The following PAK6 variants were observed in gnomAD, a reference collection of about 807,000 sequenced individuals.
PAK6 encodes the protein serine/threonine-protein kinase PAK 6.
A neutral mutation model predicts 60.8 loss-of-function variants in PAK6; 33 were observed. The ratio of observed to expected loss-of-function variants is 0.54; its 90% CI spans 0.41 to 0.73. The LOEUF is 0.73. Among genes scored for constraint, PAK6 ranks in the 30% least tolerant of loss-of-function variants. PAK6 has a pLI of 0.00. For missense variants in PAK6, 845 were observed against 904.1 expected, an observed-to-expected ratio of 0.93 and a Z score of 0.84; for synonymous variants, 404 against 378.5, an observed-to-expected ratio of 1.07 and a Z score of -0.78.
At chr15:40,270,303 C>T (rs1595599380) in intron 5 of PAK6, among the ~76,000 whole-genome samples, 1 of 152,180 alleles carries the variant, frequency 6.6e-6, no homozygotes. Context: ...TCCCTGAGGC[C>T]GTAAGATCAT....
intron 3 of PAK6, among the ~76,000 whole-genome samples, chr15:40,262,530 A>C (rs958439387): frequency 6.8e-6 from 1 of 147,690 alleles, no homozygotes; most frequent in African/African-American, 2.5e-5. Flanking sequence ...ACAACAACAA[A>C]CAACAACAAA....
intron 2 of PAK6, chr15:40,245,827 C>T (rs982887764): frequency 6.6e-6 from 1 of 152,406 alleles, no homozygotes; most frequent in Admixed American, 6.5e-5. Context: ...GCTGAACCCC[C>T]ACCCCCGTGC....
chr15:40,253,748 C>T (rs1033855597), intron 3 of PAK6, among the ~76,000 whole-genome samples: 11 of 152,206 alleles, frequency 7.2e-5, no homozygotes, highest in African/African-American at 2.7e-4. Flanking sequence ...CCCAGCCCAC[C>T]GCTCATTCCC....
intron 3 of PAK6, among the ~76,000 whole-genome samples, chr15:40,253,898 GC>G (rs2038762727): frequency 1.3e-5 from 2 of 152,102 alleles, no homozygotes; most frequent in African/African-American, 2.4e-5. Context: ...TTTTTTGGGG[GC>G]TTTTCTGACT....
At chr15:40,250,079 T>C (rs1359269141) in intron 2 of PAK6, among the ~76,000 whole-genome samples, 2 of 152,214 alleles carry the variant, frequency 1.3e-5, no homozygotes, top group Non-Finnish European at 2.9e-5. Flanking sequence ...GGCCAGAGGG[T>C]GGCACATGGA....
chr15:40,266,214 C>G (rs1364068491), exon 5 of PAK6: 1 of 1,609,920 alleles, frequency 6.2e-7, no homozygotes, highest in Non-Finnish European at 8.5e-7. Flanking sequence ...GCAGCGCTGT[C>G]TGCAGCTGGG....
chr15:40,245,332 CT>C (rs2038468725), intron 2 of PAK6: 1 of 152,274 alleles, frequency 6.6e-6, no homozygotes, highest in South Asian at 2.1e-4. Flanking sequence ...AGACCTCCTG[CT>C]GCCTGCCTGC....
At position 40,239,810 on chromosome 15, in the gene PAK6, G is replaced by A; in HGVS notation, c.-201+8G>A. 6.5e-6 allele frequency: 1 copy of A among 152,980 alleles called. No homozygotes were observed. Among genetic ancestry groups the A allele is most frequent in the Non-Finnish European group, 1.5e-5 (1 of 68,624 alleles). The allele number at this position is 152,980 out of a possible 1,614,324, so 9.5% of individuals were successfully genotyped here. A position where few individuals can be genotyped will look rare whatever the true frequency, so the allele number is the denominator to read the frequency against. ...TTAGGCTGGCCTGGGCAGGTAGGTG[G>A]CTCTGTGTTGGGTGTGGACCCACGT... is the stretch of plus-strand genomic sequence containing the variant. On this transcript the variant is annotated splice_region_variant and intron_variant, in intron 1 of 10. Transcript: ENST00000560346.
chr15:40,265,377 C>A (rs2039094137), intron 4 of PAK6, among the ~76,000 whole-genome samples: 1 of 152,180 alleles, frequency 6.6e-6, no homozygotes, highest in Non-Finnish European at 1.5e-5. Flanking sequence ...ACTAGTAGAC[C>A]CAAGAGCCTG....
chr15:40,274,114 TGGGGTCA>T, intron 9 of PAK6, 21 bp from the exon 10 acceptor site: 2 of 1,613,408 alleles, frequency 1.2e-6, no homozygotes, highest in Non-Finnish European at 8.5e-7. Context: ...GGTCTGGCCA[TGGGGTCA>T]GGGACATTTT....
At chr15:40,270,480 T>G (rs987283583) in intron 5 of PAK6, among the ~76,000 whole-genome samples, 9 of 152,096 alleles carry the variant, frequency 5.9e-5, no homozygotes, top group Admixed American at 5.2e-4. Flanking sequence ...GTCCCTGCAT[T>G]GTAGTGGAGA....
At chr15:40,261,757 G>T (rs2038991515) in intron 3 of PAK6, among the ~76,000 whole-genome samples, 1 of 152,086 alleles carries the variant, frequency 6.6e-6, no homozygotes, top group Admixed American at 6.6e-5. Flanking sequence ...GGTTTCTAAA[G>T]CTCTACTCCC....
At chr15:40,265,888 G>A in exon 5 of PAK6, 2 of 1,572,414 alleles carry the variant, frequency 1.3e-6, no homozygotes, top group Non-Finnish European at 1.7e-6. Flanking sequence ...TACATCTCGG[G>A]GCTGCTCAAC....
intron 2 of PAK6, among the ~76,000 whole-genome samples, chr15:40,244,774 A>G (rs1200624423): frequency 1.3e-5 from 2 of 152,298 alleles, no homozygotes; most frequent in East Asian, 3.9e-4. Flanking sequence ...TAAGAAAAAC[A>G]AGGCAACCCC....
chr15:40,250,128 T>C (rs1301294887), intron 2 of PAK6, among the ~76,000 whole-genome samples: 1 of 152,238 alleles, frequency 6.6e-6, no homozygotes, highest in African/African-American at 2.4e-5. Flanking sequence ...CTCCTGACAC[T>C]TCCTGTGCTG....
chr15:40,272,662 G>A (rs761974400), exon 6 of PAK6: 8 of 1,605,462 alleles, frequency 5.0e-6, no homozygotes, highest in East Asian at 2.2e-5. Flanking sequence ...GGGCCGCCAG[G>A]TGGCCGTCAA....
chr15:40,266,015 A>G (rs753319619), exon 5 of PAK6: 3 of 1,601,990 alleles, frequency 1.9e-6, no homozygotes, highest in Middle Eastern at 3.3e-4. Context: ...CCACCGACCC[A>G]GACATGTACC....
exon 5 of PAK6, chr15:40,266,054 C>A (rs376277766): frequency 6.2e-7 from 1 of 1,609,268 alleles, no homozygotes. Context: ...AGCGCACTGA[C>A]CCCCACGGCC....
Position 40,264,664 on chromosome 15 carries a change from G to A in PAK6, c.-5-117G>A, listed in dbSNP as rs539944525. ...GAGATGGAGGTGGAGGGAAGCCCTA[G>A]GCTTCTAGGGGAGCTGTGCTGGGGG... On this transcript the variant is annotated intron_variant, in intron 3 of 10. Coordinates refer to ENST00000560346, the Ensembl canonical transcript of PAK6. 6 of 815,168 alleles carry A rather than the reference G, an allele frequency of 7.4e-6. No homozygotes were observed. The South Asian group carries it at 9.8e-5, about 13-fold the overall frequency. The allele number at this position is 815,168 out of a possible 1,614,324, so 50.5% of individuals were successfully genotyped here.
Sources: gnomAD v4.1 joint callset for allele counts (sites outside exome capture counted in the v4.1 genomes callset) on GRCh38, gnomAD v4.1.1 for gene constraint, MANE v1.5 for transcripts, NCBI Gene and HGNC (gene_info 2026-07-23, HGNC 2026-07-21) for gene names.